The following PJA2 variants were observed in gnomAD, a reference collection of about 807,000 sequenced individuals.
The protein encoded by PJA2 is praja ring finger ubiquitin ligase 2, also known as E3 ubiquitin-protein ligase Praja-2.
PJA2 carries 25 observed loss-of-function variants against 69.3 expected under a neutral mutation model. That is an observed-to-expected ratio of 0.36 (90% CI 0.26 to 0.50). PJA2 has a LOEUF of 0.50. Among genes scored for constraint, PJA2 ranks in the 20% least tolerant of loss-of-function variants. The pLI is 0.96. For synonymous variants in PJA2, 308 were observed against 277.8 expected (o/e 1.11, Z -1.08); for missense variants, 809 against 830.2 (o/e 0.97, Z 0.31).
At chr5:109,346,477 T>C (rs987598155) in intron 7 of PJA2, among the ~76,000 whole-genome samples, 1 of 152,216 alleles carries the variant, frequency 6.6e-6, no homozygotes, top group African/African-American at 2.4e-5. Flanking sequence ...TGCAGCATTA[T>C]TCACAAGAGC....
intron 9 of PJA2, 133 bp from the exon 10 acceptor site, chr5:109,337,489 A>G (rs1302953050): frequency 1.0e-6 from 1 of 965,572 alleles, no homozygotes; most frequent in African/African-American, 1.7e-5. Flanking sequence ...TCAAATCCAC[A>G]CAATGCAGAA....
Position 109,336,091 on chromosome 5 carries a change from T to C in PJA2, c.*1140A>G, listed in dbSNP as rs1761934026. The stretch of plus-strand genomic sequence containing the variant: ...CTCTGCATTTGGGAAGCCATATAAA[T>C]ATTCCTTTTATGTGCCCAAACTAAA... On this transcript the variant is annotated 3_prime_UTR_variant, in exon 10 of 10. Coordinates refer to ENST00000361189, the MANE Select transcript of PJA2 (RefSeq NM_014819.5). 6.6e-6 allele frequency: 1 copy of C among 152,614 alleles called. No homozygotes were observed. The highest frequency in any genetic ancestry group is 2.4e-5 in the African/African-American group (1 of 41,464). The allele number at this position is 152,614 out of a possible 1,614,324, so 9.5% of individuals were successfully genotyped here.
At position 109,403,557 on chromosome 5, in the gene PJA2, CA is replaced by C. The variant is rs78887239; in HGVS notation, c.-88+6284del. On this transcript the variant is annotated intron_variant, in intron 1 of 9. Transcript: ENST00000361189. ...AAAGTATCTTTCATGAACATAGATG[CA>C]AAAAAAAAAAAAATTTCACCAATTT... 3.5e-3 allele frequency among the ~76,000 whole-genome samples: 454 copies of C among 128,800 alleles called. 3 individuals are homozygous for C. Among genetic ancestry groups the C allele is most frequent in the Admixed American group, 3.0e-3 (38 of 12,766 alleles). The allele number at this position is 128,800 out of a possible 152,430, so 84.5% of individuals were successfully genotyped here. A position where few individuals can be genotyped will look rare whatever the true frequency, so the allele number is the denominator to read the frequency against.
Position 109,337,057 on chromosome 5 carries a change from AAT to A in PJA2, c.*172_*173del. 2.1e-6 allele frequency: 1 copy of A among 480,330 alleles called. No individual in the cohort carries two copies. The highest frequency in any genetic ancestry group is 6.7e-5 in the South Asian group (1 of 14,942). 29.8% of individuals were successfully genotyped at this position (480,330 alleles called of 1,614,324 possible). On this transcript the variant is annotated 3_prime_UTR_variant, in exon 10 of 10. Transcript: ENST00000361189. ...CTCAACATTCAGCTTAAAAATGTTTAATACTTTCTGCAAACCTAAATTTAGTT... is the reference window on the plus strand; with the variant it reads ...CTCAACATTCAGCTTAAAAATGTTTAACTTTCTGCAAACCTAAATTTAGTT...
rs558636905 is a variant in PJA2, at chr5:109,350,452, A to G, written c.1764+5463T>C. Reference sequence around the variant, plus strand: ...ATAAAATTTTGTTCTAAAGAATAAAATACAATTCAGTTTTTAAAGAACGAA... The same window carrying G: ...ATAAAATTTTGTTCTAAAGAATAAAGTACAATTCAGTTTTTAAAGAACGAA... On this transcript the variant is annotated intron_variant, in intron 7 of 9. Transcript: ENST00000361189. 3.9e-5 allele frequency among the ~76,000 whole-genome samples: 6 copies of G among 152,372 alleles called. No individual in the cohort carries two copies. In the South Asian group the frequency reaches 1.2e-3, roughly 32 times the overall value.
Position 109,383,450 on chromosome 5 carries a change from G to A in PJA2, c.-17C>T, listed in dbSNP as rs1045704. The A allele has an allele frequency of 0.55, 876,758 of 1,602,720 alleles. 254,944 individuals are homozygous for A. The highest frequency in any genetic ancestry group is 0.6 in the Middle Eastern group (3,593 of 6,028). ...CTGTGACATATATGGCAGCGTCTGT[G>A]TGACCAGTTCAGTAGAATTATAGAT... On this transcript the variant is annotated 5_prime_UTR_variant, in exon 2 of 10. Coordinates refer to ENST00000361189, the MANE Select transcript of PJA2 (RefSeq NM_014819.5).
At chr5:109,354,247 T>G (rs941811760) in intron 7 of PJA2, among the ~76,000 whole-genome samples, 2 of 148,014 alleles carry the variant, frequency 1.4e-5, no homozygotes, top group Non-Finnish European at 3.0e-5. Flanking sequence ...TTTCTATAGA[T>G]TAGATATCTA....
chr5:109,359,786 C>T (rs1436561140), intron 6 of PJA2, among the ~76,000 whole-genome samples: 1 of 152,160 alleles, frequency 6.6e-6, no homozygotes, highest in Non-Finnish European at 1.5e-5. Context: ...GGAACAACTA[C>T]AAACATCTAA....
chr5:109,400,512 G>T (rs370379134), intron 1 of PJA2, among the ~76,000 whole-genome samples: 1 of 151,220 alleles, frequency 6.6e-6, no homozygotes, highest in African/African-American at 2.4e-5. Flanking sequence ...GGGGGGTGTC[G>T]CGGGCAGTGG....
At chr5:109,403,782 A>AC (rs1488801725) in intron 1 of PJA2, among the ~76,000 whole-genome samples, 8 of 148,314 alleles carry the variant, frequency 5.4e-5, no homozygotes, top group South Asian at 2.1e-4. Context: ...AAAAAAAAAA[A>AC]AACTCTCTGC....
chr5:109,390,682 A>T (rs1204358543), intron 1 of PJA2: 3 of 150,102 alleles, frequency 2.0e-5, no homozygotes, highest in Non-Finnish European at 4.5e-5. Context: ...TTCCTTGGTA[A>T]TTTTTTTTTA....
rs1468397355 is a variant in PJA2 at position 109,335,256 on chromosome 5, G to C, written c.*1975C>G. 1 of 152,522 alleles carries C rather than the reference G, an allele frequency of 6.6e-6. No homozygotes were observed. The highest frequency in any genetic ancestry group is 1.5e-5 in the Non-Finnish European group (1 of 68,024). 9.4% of individuals were successfully genotyped at this position (152,522 alleles called of 1,614,324 possible). A position where few individuals can be genotyped will look rare whatever the true frequency, so the allele number is the denominator to read the frequency against. On this transcript the variant is annotated 3_prime_UTR_variant, in exon 10 of 10. Transcript: ENST00000361189. Reference sequence around the variant, plus strand: ...TATTCAACTTTTCTTCTTCACAGCAGCTGTTTATAGATAGTAGGGAGCCAA... The same window carrying C: ...TATTCAACTTTTCTTCTTCACAGCACCTGTTTATAGATAGTAGGGAGCCAA...
At chr5:109,342,427 G>A (rs1762086971) in intron 9 of PJA2, among the ~76,000 whole-genome samples, 2 of 135,806 alleles carry the variant, frequency 1.5e-5, no homozygotes, top group Admixed American at 1.4e-4. Flanking sequence ...AGGGAGGTGG[G>A]GATGTCGGCC....
chr5:109,342,850 C>A (rs1363593879), intron 9 of PJA2, among the ~76,000 whole-genome samples: 26 of 38,618 alleles, frequency 6.7e-4, no homozygotes, highest in African/African-American at 3.2e-3. Flanking sequence ...GCCCCCCGCC[C>A]GGCCAGCCGC....
chr5:109,357,102 T>C (rs1467425342), intron 6 of PJA2, among the ~76,000 whole-genome samples: 1 of 152,186 alleles, frequency 6.6e-6, no homozygotes, highest in Non-Finnish European at 1.5e-5. Context: ...CCTAAATCTC[T>C]ACCTAATTCC....
intron 7 of PJA2, among the ~76,000 whole-genome samples, chr5:109,354,490 CTATAATATCATAGATATCTATATCGATAT>C (rs1762369742): frequency 6.9e-5 from 8 of 116,492 alleles, no homozygotes; most frequent in African/African-American, 9.7e-5. Context: ...GATTAGATAT[CTATAATATCATAGATATCTATATCGATAT>C]TAGATATCTA....
At chr5:109,350,760 C>T (rs1295065426) in intron 7 of PJA2, among the ~76,000 whole-genome samples, 2 of 152,136 alleles carry the variant, frequency 1.3e-5, no homozygotes, top group Non-Finnish European at 2.9e-5. Flanking sequence ...AAAAGCCCAC[C>T]TTCTAAACCT....
At chr5:109,409,406 G>T (rs1174147363) in intron 1 of PJA2, 1 of 152,556 alleles carries the variant, frequency 6.6e-6, no homozygotes, top group Non-Finnish European at 1.5e-5. Context: ...TCTACGCGGG[G>T]TGACGGGAAA....
intron 2 of PJA2, 85 bp downstream of exon 2, chr5:109,383,318 A>G: frequency 8.4e-7 from 1 of 1,196,882 alleles, no homozygotes; most frequent in Non-Finnish European, 1.2e-6. Context: ...CACAGGTCAG[A>G]TGATCATATG....
Sources: allele counts gnomAD v4.1 joint callset (sites outside exome capture counted in the v4.1 genomes callset), GRCh38; gene constraint gnomAD v4.1.1; transcripts MANE v1.5; gene names NCBI Gene and HGNC (gene_info 2026-07-23, HGNC 2026-07-21).